Variants in DENND6A observed in about 807,000 individuals in gnomAD.
DENND6A encodes DENN domain containing 6A, also known as protein DENND6A.
DENND6A carries 43 observed loss-of-function variants against 95.5 expected under a neutral mutation model. That is an observed-to-expected ratio of 0.45 (90% confidence interval 0.35 to 0.58). The LOEUF (loss-of-function observed/expected upper bound fraction) is 0.58. Among genes scored for constraint, DENND6A ranks in the 20% least tolerant of loss-of-function variants. The probability of loss-of-function intolerance (pLI) is 0.00; values close to 1 mark genes in which losing one functional copy is unlikely to be tolerated. For missense variants in DENND6A, 574 were observed against 736.0 expected (o/e 0.78, Z 2.55); for synonymous variants, 257 against 260.4 (o/e 0.99, Z 0.13).
rs1039748534 is a variant in DENND6A, at chr3:57,634,677, T to C, written c.1198+27A>G. ...AAAACCCAAGTACCATATAAATATATATTTAAAAATCAATAAAAGTCAATA... is the reference window on the plus strand; with the variant it reads ...AAAACCCAAGTACCATATAAATATACATTTAAAAATCAATAAAAGTCAATA... On this transcript the variant is annotated intron_variant, in intron 13 of 19. Transcript: ENST00000311128. 7.3e-6 allele frequency: 11 copies of C among 1,504,962 alleles called. No individual in the cohort carries two copies. The African/African-American group carries it at 1.6e-4, about 21-fold the overall frequency. The allele number at this position is 1,504,962 out of a possible 1,614,324, so 93.2% of individuals were successfully genotyped here. A position where few individuals can be genotyped will look rare whatever the true frequency, so the allele number is the denominator to read the frequency against.
chr3:57,654,086 C>G (rs1488412407), intron 9 of DENND6A, among the ~76,000 whole-genome samples: 1 of 150,626 alleles, frequency 6.6e-6, no homozygotes, highest in African/African-American at 2.4e-5. Flanking sequence ...TAGCTGGGAC[C>G]ACAGGTGCCC....
Position 57,641,660 on chromosome 3 carries a change from T to G in DENND6A, c.1125A>C (p.Lys375Asn). The change falls in exon 12 of 20, where the codon AAA becomes AAC. Residue 375 changes from lysine to asparagine, a missense_variant. By Grantham distance (94) the Lys-to-Asn change is moderately conservative (BLOSUM62 0). This residue lies in a region of DENND6A where 452 missense variants were observed against 630.9 expected (regional missense o/e 0.72). Coordinates refer to ENST00000311128, the MANE Select transcript of DENND6A (RefSeq NM_152678.3). ...WPHIIRIGDL[K>N]PTGEIPKQVK... ...ACCAAGTTTATACTTTACCTGTAGG[T>G]TTAAGGTCTCCTATTCGAATAATGT... 1 of 1,611,262 alleles carries G rather than the reference T, an allele frequency of 6.2e-7. No individual in the cohort carries two copies. Among genetic ancestry groups the G allele is most frequent in the Non-Finnish European group, 8.5e-7 (1 of 1,178,508 alleles).
chr3:57,669,745 GGT>G (rs2071584295), intron 3 of DENND6A, among the ~76,000 whole-genome samples: 2 of 149,892 alleles, frequency 1.3e-5, no homozygotes, highest in Admixed American at 6.7e-5. Context: ...AAATCAGCCG[GGT>G]GCAGTGGTTC....
At chr3:57,636,498 G>A (rs750750054) in intron 12 of DENND6A, among the ~76,000 whole-genome samples, 2 of 152,144 alleles carry the variant, frequency 1.3e-5, no homozygotes, top group Non-Finnish European at 2.9e-5. Flanking sequence ...ATGATACAGA[G>A]AAATGACAAT....
rs1448423375 is a variant in DENND6A, at chr3:57,626,336, T to TA, written c.*1877dup. The TA allele has an allele frequency of 6.6e-6, 1 of 152,382 alleles. No homozygotes were observed. The highest frequency in any genetic ancestry group is 1.9e-4 in the East Asian group (1 of 5,202). 9.4% of individuals were successfully genotyped at this position (152,382 alleles called of 1,614,324 possible). ...TGAAGCCATATCCTTTACAAATACA[T>TA]ACAACTAAATTTGGTTATTTAGAGG... is the stretch of plus-strand genomic sequence containing the variant. On this transcript the variant is annotated 3_prime_UTR_variant, in exon 20 of 20. Transcript: ENST00000311128.
chr3:57,666,308 G>T, intron 3 of DENND6A, 73 bp from the exon 4 acceptor site: 1 of 1,225,340 alleles, frequency 8.2e-7, no homozygotes, highest in East Asian at 2.6e-5. Flanking sequence ...CAATTTTAGA[G>T]CTGAAAAAAA....
At chr3:57,685,736 T>C (rs1455670740) in intron 1 of DENND6A, among the ~76,000 whole-genome samples, 1 of 152,060 alleles carries the variant, frequency 6.6e-6, no homozygotes, top group Non-Finnish European at 1.5e-5. Context: ...ATTCTTTTTT[T>C]TTAAAAAAAA....
chr3:57,678,538 A>C (rs1006879583), intron 1 of DENND6A, among the ~76,000 whole-genome samples: 2 of 152,256 alleles, frequency 1.3e-5, no homozygotes, highest in Non-Finnish European at 2.9e-5. Context: ...TCCCCCAAAA[A>C]TTCACGTTAA....
chr3:57,639,346 A>C (rs1316445857), intron 12 of DENND6A, among the ~76,000 whole-genome samples: 2 of 152,206 alleles, frequency 1.3e-5, no homozygotes, highest in Non-Finnish European at 2.9e-5. Context: ...TTTGGCAAAC[A>C]GTTTGGTGAT....
chr3:57,650,421 T>TACACACAC (rs67472290), intron 9 of DENND6A, among the ~76,000 whole-genome samples: 1,745 of 149,950 alleles, frequency 0.012, 34 homozygotes, highest in Admixed American at 0.036. Flanking sequence ...TGCATTTACA[T>TACACACAC]ACACACACAC....
In DENND6A at chr3:57,673,437, TGA is replaced by T. The variant is rs1184957011; in HGVS notation, c.238-1001_238-1000del. Among the ~76,000 whole-genome samples, 5 of 151,872 alleles carry T rather than the reference TGA, an allele frequency of 3.3e-5. 1 individual carries two copies. The highest frequency in any genetic ancestry group is 3.3e-4 in the Admixed American group (5 of 15,200). On this transcript the variant is annotated intron_variant, in intron 1 of 19. Transcript: ENST00000311128. ...GAGGCTGGGAAGAGTAGTAAGAGTT[TGA>T]GAGGGGGGAATAAAGAACGGTTAAG...
At chr3:57,631,659 C>T (rs2070677612) in intron 15 of DENND6A, among the ~76,000 whole-genome samples, 1 of 151,640 alleles carries the variant, frequency 6.6e-6, no homozygotes, top group Admixed American at 6.6e-5. Flanking sequence ...AATAACCTGA[C>T]CAAGGTAATA....
chr3:57,670,600 C>G (rs540024649), intron 3 of DENND6A, among the ~76,000 whole-genome samples: 1 of 152,300 alleles, frequency 6.6e-6, no homozygotes, highest in African/African-American at 2.4e-5. Flanking sequence ...AATGTATGTC[C>G]TGCTTTTAGG....
chr3:57,645,935 C>A lies in DENND6A; in HGVS notation c.942-179G>T, dbSNP rs150573010. 3.2e-3 allele frequency among the ~76,000 whole-genome samples: 494 copies of A among 152,272 alleles called. 6 individuals are homozygous for A. Among genetic ancestry groups the A allele is most frequent in the African/African-American group, 0.011 (451 of 41,544 alleles). ...GATATATGTAATGTGAAATGGCATA[C>A]TGAAAGAACACACTGGGTTTGGGGC... On this transcript the variant is annotated intron_variant, in intron 10 of 19. Transcript: ENST00000311128.
In DENND6A at chr3:57,628,856, T is replaced by C. The variant is rs56058113; in HGVS notation, c.1650A>G (p.Thr550=). Residue 550 remains threonine, a synonymous_variant, in exon 19 of 20, where the codon ACA becomes ACG. Transcript: ENST00000311128. The part of the protein sequence containing the change: ...EDLLLWIQKH[T]EVETVDLVLK... ...AGACAAGGTCTACTGTTTCTACTTC[T>C]GTGTGTTTCTGGATCCAGAGAAGTA... The C allele has an allele frequency of 2.6e-3, 4,245 of 1,613,088 alleles. 87 individuals are homozygous for C. In the African/African-American group the frequency reaches 0.049, roughly 19 times the overall value.
intron 3 of DENND6A, among the ~76,000 whole-genome samples, chr3:57,669,565 A>G (rs1375946346): frequency 6.6e-6 from 1 of 151,266 alleles, no homozygotes; most frequent in Non-Finnish European, 1.5e-5. Context: ...AATGCAAAAA[A>G]TTAGCCAGGC....
At chr3:57,639,482 T>C (rs1037723712) in intron 12 of DENND6A, among the ~76,000 whole-genome samples, 3 of 152,210 alleles carry the variant, frequency 2.0e-5, no homozygotes, top group African/African-American at 7.2e-5. Flanking sequence ...TACTACATTA[T>C]AATTAATAGT....
intron 15 of DENND6A, 33 bp downstream of exon 15, chr3:57,633,232 T>G (rs1280438724): frequency 4.5e-6 from 7 of 1,557,642 alleles, no homozygotes; most frequent in Non-Finnish European, 6.2e-6. Context: ...CACCAAATCA[T>G]TAAATTATGC....
chr3:57,684,373 G>A (rs1242544096), intron 1 of DENND6A, among the ~76,000 whole-genome samples: 1 of 152,012 alleles, frequency 6.6e-6, no homozygotes, highest in Non-Finnish European at 1.5e-5. Flanking sequence ...TGAGGCAGGA[G>A]AATCGCTGGA....
Sources: allele counts gnomAD v4.1 joint callset (sites outside exome capture counted in the v4.1 genomes callset), GRCh38; gene constraint gnomAD v4.1.1; regional missense constraint gnomAD v4.1.1; transcripts MANE v1.5; gene names NCBI Gene and HGNC (gene_info 2026-07-23, HGNC 2026-07-21).